The following NPAS3 variants were observed in gnomAD, a reference collection of about 807,000 sequenced individuals.
NPAS3 encodes neuronal PAS domain-containing protein 3.
A neutral mutation model predicts 73.1 loss-of-function variants in NPAS3; 14 were observed. The ratio of observed to expected loss-of-function variants is 0.19; its 90% CI spans 0.13 to 0.30. The LOEUF (loss-of-function observed/expected upper bound fraction) is 0.30, where lower values mean the gene tolerates loss of function less well. Ranked by LOEUF, NPAS3 falls within the 10% of genes least tolerant of loss-of-function variation. NPAS3 has a pLI of 1.00. For missense variants in NPAS3, 1,096 were observed against 1,250.0 expected (o/e 0.88, Z 1.86); for synonymous variants, 620 against 541.5 (o/e 1.14, Z -2.01).
downstream of NPAS3, chr14:33,801,120 G>T (rs750626707): frequency 1.3e-5 from 20 of 1,567,556 alleles, no homozygotes. Context: ...GGCGCCGCCC[G>T]TCCTGGGCCC....
intron 4 of NPAS3, among the ~76,000 whole-genome samples, chr14:33,481,447 A>G (rs1326513327): frequency 6.6e-6 from 1 of 152,172 alleles, no homozygotes; most frequent in Non-Finnish European, 1.5e-5. Context: ...ACCCTTATCC[A>G]TTTACAGAAT....
chr14:33,032,274 C>G (rs1372661712), intron 1 of NPAS3, among the ~76,000 whole-genome samples: 3 of 152,136 alleles, frequency 2.0e-5, no homozygotes, highest in Non-Finnish European at 4.4e-5. Flanking sequence ...AAGGCAATGA[C>G]AGATTGGAAC....
intron 5 of NPAS3, among the ~76,000 whole-genome samples, chr14:33,629,895 T>C (rs373841082): frequency 8.5e-5 from 13 of 152,318 alleles, no homozygotes; most frequent in African/African-American, 3.1e-4. Context: ...CTCTTTTCTT[T>C]GTGCAATGAG....
intron 4 of NPAS3, among the ~76,000 whole-genome samples, chr14:33,444,435 A>G (rs763307665): frequency 2.0e-5 from 3 of 152,248 alleles, no homozygotes; most frequent in Non-Finnish European, 4.4e-5. Context: ...CGAACATTTG[A>G]GAGACATTGA....
chr14:33,737,363 T>C (rs1595527730), intron 7 of NPAS3, among the ~76,000 whole-genome samples: 1 of 152,258 alleles, frequency 6.6e-6, no homozygotes, highest in East Asian at 1.9e-4. Context: ...GCAGTAAGAA[T>C]GGGCCTTCCA....
chr14:33,661,096 GGAA>G (rs2059293364), intron 5 of NPAS3, among the ~76,000 whole-genome samples: 1 of 58,436 alleles, frequency 1.7e-5, no homozygotes, highest in African/African-American at 1.2e-4. Context: ...ATCAGTAAAA[GGAA>G]AAAAAAAAAA....
chr14:33,347,948 A>G (rs1210628964), intron 3 of NPAS3, among the ~76,000 whole-genome samples: 1 of 152,018 alleles, frequency 6.6e-6, no homozygotes, highest in Non-Finnish European at 1.5e-5. Flanking sequence ...CAGAGGGCCA[A>G]CTCTATAAGT....
At chr14:33,448,539 T>A (rs2049629946) in intron 4 of NPAS3, among the ~76,000 whole-genome samples, 1 of 152,234 alleles carries the variant, frequency 6.6e-6, no homozygotes, top group South Asian at 2.1e-4. Flanking sequence ...TGAACTGTGC[T>A]TGATACATAG....
At chr14:33,208,429 A>T (rs1325473537) in intron 2 of NPAS3, among the ~76,000 whole-genome samples, 1 of 152,180 alleles carries the variant, frequency 6.6e-6, no homozygotes, top group Admixed American at 6.5e-5. Flanking sequence ...AACATACACA[A>T]GGCATTTTCT....
chr14:33,195,202 C>T (rs921777379), intron 2 of NPAS3, among the ~76,000 whole-genome samples: 31 of 151,138 alleles, frequency 2.1e-4, no homozygotes, highest in African/African-American at 7.0e-4. Flanking sequence ...CAAGCTTTGC[C>T]ATCATTTGAA....
At chr14:33,385,975 T>C (rs2046758181) in intron 4 of NPAS3, among the ~76,000 whole-genome samples, 1 of 152,124 alleles carries the variant, frequency 6.6e-6, no homozygotes, top group Admixed American at 6.6e-5. Context: ...CATTGACTTA[T>C]TTGTGAAAGT....
chr14:33,308,523 T>TACACACAC lies in NPAS3; in HGVS notation c.386-58662_386-58661insCACACACA, dbSNP rs1347327819. ...CTATTGCATAGTTTATATATATATA[T>TACACACAC]ATATACATACACACACACACACACA... On this transcript the variant is annotated intron_variant, in intron 3 of 11. Transcript: ENST00000356141. 1.9e-3 allele frequency among the ~76,000 whole-genome samples: 170 copies of TACACACAC among 88,812 alleles called. 3 individuals carry two copies. Among genetic ancestry groups the TACACACAC allele is most frequent in the African/African-American group, 5.6e-3 (121 of 21,722 alleles). The allele number at this position is 88,812 out of a possible 152,430, so 58.3% of individuals were successfully genotyped here. A position where few individuals can be genotyped will look rare whatever the true frequency, so the allele number is the denominator to read the frequency against.
chr14:33,793,826 G>C, intron 9 of NPAS3, 71 bp from the exon 10 acceptor site: 1 of 1,139,836 alleles, frequency 8.8e-7, no homozygotes, highest in Non-Finnish European at 1.2e-6. Flanking sequence ...GTTTTGCAGA[G>C]ATAAAAAAAA....
intron 3 of NPAS3, among the ~76,000 whole-genome samples, chr14:33,303,789 A>G (rs2042646625): frequency 1.6e-5 from 1 of 63,260 alleles, no homozygotes. Flanking sequence ...GTTATGCTGA[A>G]TAAAAAGAAA....
rs573087353 is a variant in NPAS3, at chr14:33,104,283, T to C, written c.140+48289T>C. 4.6e-5 allele frequency among the ~76,000 whole-genome samples: 7 copies of C among 152,236 alleles called. No homozygotes were observed. The South Asian group carries it at 1.5e-3, about 32-fold the overall frequency. ...ACCATTCCACACATTTATTGAAGGG[T>C]TGTCATGATTTTTAAAAGTCTTGTT... is the stretch of plus-strand genomic sequence containing the variant. On this transcript the variant is annotated intron_variant, in intron 2 of 11. Transcript: ENST00000356141.
intron 6 of NPAS3, among the ~76,000 whole-genome samples, chr14:33,700,665 G>C (rs373374945): frequency 3.3e-5 from 5 of 152,176 alleles, no homozygotes; most frequent in African/African-American, 9.7e-5. Flanking sequence ...AGGCTGAAAA[G>C]CTTATCCTAT....
At chr14:33,775,364 G>A (rs1379229716) in intron 8 of NPAS3, among the ~76,000 whole-genome samples, 2 of 152,156 alleles carry the variant, frequency 1.3e-5, no homozygotes, top group Admixed American at 6.5e-5. Context: ...GCGTCAATTT[G>A]GGGAGGATGC....
intron 1 of NPAS3, among the ~76,000 whole-genome samples, chr14:32,976,476 G>C (rs575190146): frequency 2.6e-4 from 39 of 152,060 alleles, no homozygotes; most frequent in African/African-American, 8.4e-4. Context: ...TTATATATTC[G>C]TACTTTAGAA....
chr14:33,717,289 G>T (rs553287659), intron 6 of NPAS3, among the ~76,000 whole-genome samples: 2 of 150,164 alleles, frequency 1.3e-5, no homozygotes, highest in East Asian at 2.0e-4. Context: ...AGGGACAAAA[G>T]GTAGGAAGGA....
Sources: allele counts gnomAD v4.1 joint callset (sites outside exome capture counted in the v4.1 genomes callset), GRCh38; gene constraint gnomAD v4.1.1; transcripts MANE v1.5; gene names NCBI Gene and HGNC (gene_info 2026-07-23, HGNC 2026-07-21).